The following TAFA1 variants were observed in gnomAD, a reference collection of about 807,000 sequenced individuals.
The protein encoded by TAFA1 is TAFA chemokine like family member 1, also known as chemokine-like protein TAFA-1.
Under a neutral mutation model 18.5 loss-of-function variants are expected in TAFA1, and 4 were observed. That is an observed-to-expected ratio of 0.22 (90% CI 0.11 to 0.49). The LOEUF (loss-of-function observed/expected upper bound fraction) is 0.49, where lower values mean the gene tolerates loss of function less well. Ranked by LOEUF, TAFA1 falls within the 20% of genes least tolerant of loss-of-function variation. The pLI is 0.98. For missense variants in TAFA1, 147 were observed against 169.0 expected (o/e 0.87, Z 0.72); for synonymous variants, 56 against 55.2 (o/e 1.01, Z -0.06).
intron 2 of TAFA1, among the ~76,000 whole-genome samples, chr3:68,368,952 A>G (rs569528976): frequency 6.6e-6 from 1 of 152,342 alleles, no homozygotes; most frequent in Non-Finnish European, 1.5e-5. Context: ...TGGGAGAATT[A>G]TGAAAGCATC....
At chr3:68,363,879 C>A (rs963130154) in intron 2 of TAFA1, among the ~76,000 whole-genome samples, 2 of 152,062 alleles carry the variant, frequency 1.3e-5, no homozygotes, top group Non-Finnish European at 2.9e-5. Flanking sequence ...TACAACATTG[C>A]GAACATAAGT....
intron 3 of TAFA1, among the ~76,000 whole-genome samples, chr3:68,474,343 T>A (rs992423818): frequency 6.6e-6 from 1 of 152,170 alleles, no homozygotes. Flanking sequence ...ATGAAACACT[T>A]GTCCATTCAT....
intron 2 of TAFA1, among the ~76,000 whole-genome samples, chr3:68,248,677 C>T (rs981308974): frequency 7.4e-6 from 1 of 135,150 alleles, no homozygotes; most frequent in Non-Finnish European, 1.5e-5. Flanking sequence ...GAGATGGGCT[C>T]CTTATCTATG....
chr3:68,186,868 C>G lies in TAFA1; in HGVS notation c.118+180124C>G, dbSNP rs1197699368. Among the ~76,000 whole-genome samples the G allele has an allele frequency of 2.0e-5, 3 of 151,964 alleles. No homozygotes were observed. In the East Asian group the frequency reaches 5.8e-4, roughly 29 times the overall value. On this transcript the variant is annotated intron_variant, in intron 2 of 4. Coordinates refer to ENST00000478136, the MANE Select transcript of TAFA1 (RefSeq NM_213609.4). Reference sequence around the variant, plus strand: ...TTTCTCACCTTGCTAGGAGATGTCCCTTCAAAACATACCATGGGCCTAGCC... The same window carrying G: ...TTTCTCACCTTGCTAGGAGATGTCCGTTCAAAACATACCATGGGCCTAGCC...
intron 2 of TAFA1, among the ~76,000 whole-genome samples, chr3:68,192,746 T>G (rs982661578): frequency 6.6e-6 from 1 of 151,714 alleles, no homozygotes; most frequent in Non-Finnish European, 1.5e-5. Flanking sequence ...AATGATTTAG[T>G]AGGGAAATAA....
chr3:68,374,400 G>A (rs1326468359), intron 2 of TAFA1, among the ~76,000 whole-genome samples: 1 of 152,136 alleles, frequency 6.6e-6, no homozygotes, highest in East Asian at 1.9e-4. Flanking sequence ...TGAGTTCTGA[G>A]CAAGTTAACC....
chr3:68,352,645 A>G (rs1012713345), intron 2 of TAFA1, among the ~76,000 whole-genome samples: 7 of 152,054 alleles, frequency 4.6e-5, no homozygotes, highest in Admixed American at 3.3e-4. Context: ...TTAGCTCAAT[A>G]ATATTTATGT....
At chr3:68,529,827 C>T (rs1170042368) in intron 3 of TAFA1, among the ~76,000 whole-genome samples, 5 of 152,184 alleles carry the variant, frequency 3.3e-5, no homozygotes, top group South Asian at 4.1e-4. Context: ...GAGATCCACC[C>T]GATAACTCAA....
intron 2 of TAFA1, among the ~76,000 whole-genome samples, chr3:68,401,455 C>A (rs1017380838): frequency 1.3e-5 from 2 of 152,134 alleles, no homozygotes; most frequent in Non-Finnish European, 2.9e-5. Context: ...AAGTTCAGCG[C>A]CCTGCTTCAG....
chr3:68,204,359 G>A (rs550000539), intron 2 of TAFA1, among the ~76,000 whole-genome samples: 80 of 151,870 alleles, frequency 5.3e-4, no homozygotes, highest in Non-Finnish European at 9.3e-4. Flanking sequence ...AGATGATCAT[G>A]GGAAAGCCCC....
At chr3:68,387,232 A>C (rs1356429421) in intron 2 of TAFA1, among the ~76,000 whole-genome samples, 1 of 152,118 alleles carries the variant, frequency 6.6e-6, no homozygotes, top group Non-Finnish European at 1.5e-5. Context: ...TTGTACTTTC[A>C]GTGATAATTA....
At chr3:68,217,494 A>T (rs1394787070) in intron 2 of TAFA1, among the ~76,000 whole-genome samples, 1 of 152,052 alleles carries the variant, frequency 6.6e-6, no homozygotes, top group African/African-American at 2.4e-5. Flanking sequence ...GATGGATGGG[A>T]TCCTAGAACA....
chr3:68,263,945 T>C (rs534055569), intron 2 of TAFA1, among the ~76,000 whole-genome samples: 44 of 152,282 alleles, frequency 2.9e-4, no homozygotes, highest in African/African-American at 9.6e-4. Context: ...ATTTGCCAAA[T>C]AACAGCTATA....
chr3:68,318,088 T>A (rs929110218), intron 2 of TAFA1, among the ~76,000 whole-genome samples: 5 of 152,196 alleles, frequency 3.3e-5, no homozygotes, highest in African/African-American at 1.2e-4. Context: ...AGAATTATAA[T>A]GTTCTGTTAG....
intron 2 of TAFA1, among the ~76,000 whole-genome samples, chr3:68,359,130 G>T (rs2069422254): frequency 6.6e-6 from 1 of 151,980 alleles, no homozygotes; most frequent in Non-Finnish European, 1.5e-5. Flanking sequence ...CCTTCTCCAT[G>T]GAGAAATTTC....
Position 68,538,822 on chromosome 3 carries a change from C to T in TAFA1, c.326C>T (p.Thr109Ile), listed in dbSNP as rs2073318399. The change falls in exon 4 of 5, where the codon ACA (threonine) becomes ATA (isoleucine). Residue 109 changes from threonine to isoleucine, a missense_variant. Transcript: ENST00000478136. ...TGCCTAGAAGGAGAAGAATGTAAGA[C>T]ACTCCCTGACAATTCTGGATGGATG... is the stretch of plus-strand genomic sequence containing the variant. ...EPCLEGEECK[T>I]LPDNSGWMCA... 6.2e-7 allele frequency: 1 copy of T among 1,613,344 alleles called. No homozygotes were observed. Among genetic ancestry groups the T allele is most frequent in the Non-Finnish European group, 8.5e-7 (1 of 1,179,556 alleles).
chr3:68,368,255 T>C (rs1336510357), intron 2 of TAFA1, among the ~76,000 whole-genome samples: 1 of 152,224 alleles, frequency 6.6e-6, no homozygotes, highest in Non-Finnish European at 1.5e-5. Flanking sequence ...TGAGATGAAA[T>C]AAACCCAATA....
At chr3:68,005,775 G>A (rs1704347165) in intron 1 of TAFA1, among the ~76,000 whole-genome samples, 1 of 152,196 alleles carries the variant, frequency 6.6e-6, no homozygotes, top group Non-Finnish European at 1.5e-5. Context: ...AATATGAAAT[G>A]CAGCATAAGG....
Position 68,063,886 on chromosome 3 carries a change from A to G in TAFA1, c.118+57142A>G, listed in dbSNP as rs78761061. On this transcript the variant is annotated intron_variant, in intron 2 of 4. Transcript: ENST00000478136. ...AAAGTTAGGAAGGCTGTTCGGAACC[A>G]GTGTAGCAGTAAATAAAAAGATTAC... Among the ~76,000 whole-genome samples the G allele has an allele frequency of 5.3e-3, 808 of 152,318 alleles. 26 individuals carry two copies. The East Asian group carries it at 0.066, about 12-fold the overall frequency.
Sources: allele counts gnomAD v4.1 joint callset (sites outside exome capture counted in the v4.1 genomes callset), GRCh38; gene constraint gnomAD v4.1.1; transcripts MANE v1.5; gene names NCBI Gene and HGNC (gene_info 2026-07-23, HGNC 2026-07-21).